The following PKD2L1 variants were observed in gnomAD, a reference collection of about 807,000 sequenced individuals.
PKD2L1 encodes polycystin-2-like protein 1.
PKD2L1 carries 77 observed loss-of-function variants against 93.0 expected under a neutral mutation model. The observed-to-expected ratio is 0.83, with a 90% confidence interval of 0.69 to 1.00. PKD2L1 has a LOEUF of 1.00. Ranked by LOEUF, PKD2L1 falls within the 50% of genes least tolerant of loss-of-function variation. The pLI, the probability that PKD2L1 is intolerant of heterozygous loss-of-function variation, is 0.00. For synonymous variants in PKD2L1, 390 were observed against 388.0 expected, an observed-to-expected ratio of 1.01 and a Z score of -0.06; for missense variants, 977 against 990.9, an observed-to-expected ratio of 0.99 and a Z score of 0.19.
chr10:100,328,449 A>G (rs1849425968), intron 2 of PKD2L1, among the ~76,000 whole-genome samples: 1 of 152,174 alleles, frequency 6.6e-6, no homozygotes, highest in Non-Finnish European at 1.5e-5. Flanking sequence ...CTGAGATCTA[A>G]GGTCGCCTGG....
In PKD2L1 at chr10:100,293,271, G is replaced by T; in HGVS notation, c.1758+10C>A. On this transcript the variant is annotated intron_variant, in intron 10 of 15. Coordinates refer to ENST00000318222, the MANE Select transcript of PKD2L1 (RefSeq NM_016112.3). ...TGGAAATGTGTAGCTCAAGGAGATTGAGCAATCACCTGTTTCAGGAGGTCA... is the reference window on the plus strand; with the variant it reads ...TGGAAATGTGTAGCTCAAGGAGATTTAGCAATCACCTGTTTCAGGAGGTCA... 1 of 1,595,878 alleles carries T rather than the reference G, an allele frequency of 6.3e-7. No individual in the cohort carries two copies. The highest frequency in any genetic ancestry group is 1.1e-5 in the South Asian group (1 of 90,708).
At chr10:100,328,665 G>A (rs143863810) in intron 2 of PKD2L1, among the ~76,000 whole-genome samples, 2,879 of 150,818 alleles carry the variant, frequency 0.019, 37 homozygotes, top group Non-Finnish European at 0.028. Context: ...CACGATCTTG[G>A]CTCACTGCAA....
chr10:100,309,058 T>C (rs1013918931), intron 2 of PKD2L1, among the ~76,000 whole-genome samples: 4 of 152,006 alleles, frequency 2.6e-5, no homozygotes, highest in Admixed American at 6.6e-5. Context: ...AAAAGTCACA[T>C]GCACAAAAAT....
At chr10:100,297,232 C>T in intron 5 of PKD2L1, 24 bp from the exon 6 acceptor site, 1 of 1,605,926 alleles carries the variant, frequency 6.2e-7, no homozygotes, top group Non-Finnish European at 8.5e-7. Flanking sequence ...GGGAGATGAC[C>T]TCCAGTGGAG....
At position 100,290,485 on chromosome 10, in the gene PKD2L1, C is replaced by T. The variant is rs6584356; in HGVS notation, c.2042G>A (p.Arg681Gln). ...GCCTTGTGGGCTGCTCACAATAGAT[C>T]GGCCTAGTTTCTCAATCTCAGTGTT... ...ALNTEIEKLG[R>Q]SIVSSPQGKS... The change falls in exon 13 of 16, where the codon CGA becomes CAA. Residue 681 changes from arginine to glutamine, a missense_variant. Coordinates refer to ENST00000318222, the MANE Select transcript of PKD2L1 (RefSeq NM_016112.3). 5.0e-6 allele frequency: 8 copies of T among 1,613,314 alleles called. No homozygotes were observed. Among genetic ancestry groups the T allele is most frequent in the East Asian group, 2.2e-5 (1 of 44,884 alleles).
At chr10:100,311,556 G>A (rs1848932683) in intron 2 of PKD2L1, among the ~76,000 whole-genome samples, 1 of 152,164 alleles carries the variant, frequency 6.6e-6, no homozygotes, top group African/African-American at 2.4e-5. Context: ...TGGAAGACCT[G>A]CCCAGCTCAG....
At chr10:100,298,428 G>A in intron 4 of PKD2L1, 134 bp downstream of exon 4, 1 of 864,870 alleles carries the variant, frequency 1.2e-6, no homozygotes, top group Non-Finnish European at 1.8e-6. Flanking sequence ...CTGGGATTCA[G>A]GGAGATGCCC....
At chr10:100,319,630 G>T (rs1849184082) in intron 2 of PKD2L1, among the ~76,000 whole-genome samples, 1 of 152,350 alleles carries the variant, frequency 6.6e-6, no homozygotes, top group East Asian at 1.9e-4. Flanking sequence ...TCTATGGATA[G>T]AACCTTGAAA....
In PKD2L1 at chr10:100,329,222, T is replaced by C. The variant is rs770708937; in HGVS notation, c.338A>G (p.Asp113Gly). 2.5e-5 allele frequency: 41 copies of C among 1,613,978 alleles called. No homozygotes were observed. The South Asian group carries it at 3.4e-4, about 13-fold the overall frequency. ...CAGATGCTACTCACGTAGACAGATG[T>C]CCACCAGGAACACAATATATACCAA... ...ELLVYIVFLV[D>G]ICLLTYGMTS... The change falls in exon 2 of 16, where the codon GAC becomes GGC. Residue 113 changes from aspartate to glycine, a missense_variant. Transcript: ENST00000318222.
chr10:100,290,247 A>T, intron 13 of PKD2L1, 109 bp from the exon 14 acceptor site: 4 of 1,433,456 alleles, frequency 2.8e-6, no homozygotes, highest in Non-Finnish European at 3.9e-6. Context: ...GGAACAAGGA[A>T]GGGAAGACCC....
intron 11 of PKD2L1, among the ~76,000 whole-genome samples, chr10:100,292,106 T>G (rs1467163456): frequency 6.6e-6 from 1 of 152,028 alleles, no homozygotes; most frequent in Non-Finnish European, 1.5e-5. Flanking sequence ...TCCCTTAAGC[T>G]CAGAGATAGA....
intron 2 of PKD2L1, among the ~76,000 whole-genome samples, chr10:100,305,691 A>G (rs548494944): frequency 6.6e-6 from 1 of 152,240 alleles, no homozygotes; most frequent in East Asian, 1.9e-4. Context: ...CAGTCTCTCT[A>G]ATAAGTCATC....
Position 100,296,203 on chromosome 10 carries a change from A to G in PKD2L1, c.1275T>C (p.Tyr425=), listed in dbSNP as rs200021969. The G allele has an allele frequency of 6.4e-5, 104 of 1,612,680 alleles. No individual in the cohort carries two copies. Among genetic ancestry groups the G allele is most frequent in the Middle Eastern group, 3.3e-4 (2 of 6,054 alleles). Residue 425 remains tyrosine, a synonymous_variant, in exon 7 of 16, where the codon TAT becomes TAC. Transcript: ENST00000318222. ...AGAAGGCGAGGAACTCAAAGTCTGC[A>G]TACGTGTTTGGCTGCTGCAGGAGCT... ...MGKLLQQPNT[Y]ADFEFLAFWQ...
Position 100,288,407 on chromosome 10 carries a change from G to C in PKD2L1, c.2407C>G (p.Gln803Glu), listed in dbSNP as rs199789744. The C allele has an allele frequency of 2.5e-6, 4 of 1,609,120 alleles. No homozygotes were observed. Among genetic ancestry groups the C allele is most frequent in the Middle Eastern group, 1.7e-4 (1 of 6,054 alleles). Residue 803 changes from glutamine to glutamate, a missense_variant, in exon 16 of 16, where the codon CAG becomes GAG. Gln to Glu is a conservative substitution (Grantham distance 29). Transcript: ENST00000318222. Reference sequence around the variant, plus strand: ...GGAGTGCCTCACACTTAACTCCTCTGCAACGTTGGAATCTCACCACGGGAG... The same window carrying C: ...GGAGTGCCTCACACTTAACTCCTCTCCAACGTTGGAATCTCACCACGGGAG... Reference protein sequence around the residue: ...RLSRGEIPTLQRS With the variant: ...RLSRGEIPTLERS
chr10:100,303,810 G>A (rs772000319), intron 2 of PKD2L1, among the ~76,000 whole-genome samples: 3 of 152,180 alleles, frequency 2.0e-5, no homozygotes, highest in Non-Finnish European at 4.4e-5. Flanking sequence ...TCAAACTTCT[G>A]TGTGCGGAAA....
chr10:100,308,627 G>T (rs992118765), intron 2 of PKD2L1, among the ~76,000 whole-genome samples: 3 of 152,132 alleles, frequency 2.0e-5, no homozygotes, highest in African/African-American at 7.2e-5. Flanking sequence ...GAGCCACTGC[G>T]CCAGGCCCCA....
At chr10:100,326,753 A>G (rs1258878505) in intron 2 of PKD2L1, among the ~76,000 whole-genome samples, 1 of 152,200 alleles carries the variant, frequency 6.6e-6, no homozygotes, top group Admixed American at 6.5e-5. Context: ...AGGAAACTGA[A>G]ATTCAAAGAA....
intron 13 of PKD2L1, 84 bp from the exon 14 acceptor site, chr10:100,290,222 G>A (rs1221368647): frequency 7.1e-6 from 11 of 1,549,906 alleles, no homozygotes; most frequent in South Asian, 1.1e-5. Context: ...TCACAGAAGG[G>A]CATGTGTCCT....
intron 4 of PKD2L1, 93 bp downstream of exon 4, chr10:100,298,469 T>C (rs1848600967): frequency 1.5e-6 from 2 of 1,331,326 alleles, no homozygotes; most frequent in South Asian, 2.7e-5. Flanking sequence ...TCTGAGGCTC[T>C]TTAAGCCTCA....
Sources: allele counts gnomAD v4.1 joint callset (sites outside exome capture counted in the v4.1 genomes callset), GRCh38; gene constraint gnomAD v4.1.1; transcripts MANE v1.5; gene names NCBI Gene and HGNC (gene_info 2026-07-23, HGNC 2026-07-21).